ANKRD13A: variants seen among roughly 807,000 people sequenced by gnomAD.
ANKRD13A encodes ankyrin repeat domain 13A.
Under a neutral mutation model 81.3 loss-of-function variants are expected in ANKRD13A, and 48 were observed. The ratio of observed to expected loss-of-function variants is 0.59; its 90% CI spans 0.47 to 0.75. The LOEUF is 0.75. ANKRD13A is among the 30% of genes least tolerant of loss of function. The pLI is 0.00. For missense variants in ANKRD13A, 612 were observed against 734.0 expected (o/e 0.83, Z 1.92); for synonymous variants, 230 against 270.1 (o/e 0.85, Z 1.45).
chr12:110,035,644 T>A (rs1891998598), intron 13 of ANKRD13A, among the ~76,000 whole-genome samples: 1 of 151,976 alleles, frequency 6.6e-6, no homozygotes, highest in African/African-American at 2.4e-5. Context: ...GAGACGGGGT[T>A]TTACCATGTT....
At position 109,999,524 on chromosome 12, in the gene ANKRD13A, G is replaced by C. The variant is rs867527190; in HGVS notation, c.-165G>C. ...GGTCCCTGAGCCGGCCGGCGACCCC[G>C]GACCTCCCGCGCGCCCCGCACCCGA... On this transcript the variant is annotated 5_prime_UTR_variant, in exon 1 of 15. Coordinates refer to ENST00000261739, the MANE Select transcript of ANKRD13A (RefSeq NM_033121.2). This position sits in a 1 kb window ranked among gnomAD's most constrained non-coding sequence, Gnocchi z 4.3. 2.6e-6 allele frequency: 1 copy of C among 379,704 alleles called. No homozygotes were observed. The highest frequency in any genetic ancestry group is 2.1e-5 in the African/African-American group (1 of 46,922). 23.5% of individuals were successfully genotyped at this position (379,704 alleles called of 1,614,324 possible).
intron 12 of ANKRD13A, among the ~76,000 whole-genome samples, chr12:110,031,434 C>T (rs1891686683): frequency 6.6e-6 from 1 of 151,968 alleles, no homozygotes; most frequent in Admixed American, 6.6e-5. Flanking sequence ...TCACTGCAGC[C>T]TCTGCCTCCC....
chr12:110,019,031 C>A, intron 5 of ANKRD13A, 108 bp from the exon 6 acceptor site: 1 of 1,191,226 alleles, frequency 8.4e-7, no homozygotes, highest in Non-Finnish European at 1.2e-6. Flanking sequence ...TACCAGATAG[C>A]ACCTGGGAGG....
chr12:110,012,061 G>A lies in ANKRD13A; in HGVS notation c.153G>A (p.Leu51=). 1 of 1,613,380 alleles carries A rather than the reference G, an allele frequency of 6.2e-7. No individual in the cohort carries two copies. The highest frequency in any genetic ancestry group is 8.5e-7 in the Non-Finnish European group (1 of 1,179,370). Residue 51 remains leucine (L), a synonymous_variant, in exon 2 of 15, where the codon TTG becomes TTA. Transcript: ENST00000261739. ...GRTLLHLAVS[L]GHLESARVLL... ...CATTATTGCATCTTGCTGTTTCCTTGGGACATTTGGAATCTGCTCGAGTCT... is the reference window on the plus strand; with the variant it reads ...CATTATTGCATCTTGCTGTTTCCTTAGGACATTTGGAATCTGCTCGAGTCT...
intron 4 of ANKRD13A, among the ~76,000 whole-genome samples, chr12:110,017,656 G>A (rs571560261): frequency 3.9e-5 from 6 of 152,152 alleles, no homozygotes; most frequent in South Asian, 2.1e-4. Flanking sequence ...TACTTAGGCC[G>A]GATGCGGTGG....
rs550792743 is a variant in ANKRD13A at position 110,033,211 on chromosome 12, G to A, written c.1349-586G>A. On this transcript the variant is annotated intron_variant, in intron 12 of 14. Coordinates refer to ENST00000261739, the MANE Select transcript of ANKRD13A (RefSeq NM_033121.2). ...TGGGACTACAGGTGCCCGCCACCAC[G>A]CCCGGCTAATTTTTTTTTTTTTTTG... Among the ~76,000 whole-genome samples, 374 of 150,210 alleles carry A rather than the reference G, an allele frequency of 2.5e-3. 1 individual carries two copies. Among genetic ancestry groups the A allele is most frequent in the African/African-American group, 8.4e-3 (343 of 40,662 alleles).
chr12:110,013,175 C>G lies in ANKRD13A; in HGVS notation c.280C>G (p.Leu94Val), dbSNP rs753874717. 10 of 1,614,040 alleles carry G rather than the reference C, an allele frequency of 6.2e-6. No individual in the cohort carries two copies. In the East Asian group the frequency reaches 2.0e-4, roughly 32 times the overall value. The change falls in exon 3 of 15, where the codon CTC (leucine) becomes GTC (valine). Residue 94 changes from leucine to valine, a missense_variant. Coordinates refer to ENST00000261739, the MANE Select transcript of ANKRD13A (RefSeq NM_033121.2). ...CGATCCTGAGATGGTGTACACAGTTCTCCAACATCGAGACTACCACAACAC... is the reference window on the plus strand; with the variant it reads ...CGATCCTGAGATGGTGTACACAGTTGTCCAACATCGAGACTACCACAACAC... ...TGDPEMVYTV[L>V]QHRDYHNTSM...
At chr12:110,027,526 A>AT (rs1891410688) in intron 8 of ANKRD13A, 179 bp from the exon 9 acceptor site, 1 of 608,490 alleles carries the variant, frequency 1.6e-6, no homozygotes, top group African/African-American at 1.9e-5. Context: ...AGAGATCCTC[A>AT]TGAAAAGCAC....
intron 3 of ANKRD13A, among the ~76,000 whole-genome samples, chr12:110,014,419 AAAAAAT>A (rs944114422): frequency 7.2e-5 from 11 of 152,292 alleles, no homozygotes; most frequent in African/African-American, 2.2e-4. Context: ...CTCAAAAAAT[AAAAAAT>A]AAAAATAAAA....
intron 12 of ANKRD13A, among the ~76,000 whole-genome samples, chr12:110,033,357 C>T (rs953946545): frequency 1.3e-5 from 2 of 151,930 alleles, no homozygotes; most frequent in African/African-American, 2.4e-5. Context: ...CCACCGCGCC[C>T]GGCAGTTATT....
chr12:110,032,199 T>C (rs1355744646), intron 12 of ANKRD13A: 6 of 152,184 alleles, frequency 3.9e-5, no homozygotes, highest in Admixed American at 3.9e-4. Flanking sequence ...AGGTTTTTTA[T>C]AAATGTCCCT....
intron 13 of ANKRD13A, among the ~76,000 whole-genome samples, chr12:110,034,823 A>C (rs1891929725): frequency 6.6e-6 from 1 of 151,982 alleles, no homozygotes; most frequent in African/African-American, 2.4e-5. Context: ...TTTTTCTTCC[A>C]TTCTTCATTC....
At chr12:110,034,687 CT>C (rs1272823952) in intron 13 of ANKRD13A, among the ~76,000 whole-genome samples, 1 of 152,190 alleles carries the variant, frequency 6.6e-6, no homozygotes, top group African/African-American at 2.4e-5. Flanking sequence ...TCCTCCTCCC[CT>C]AACATCAACT....
intron 11 of ANKRD13A, among the ~76,000 whole-genome samples, 195 bp downstream of exon 11, chr12:110,029,830 C>T (rs1446034383): frequency 3.3e-5 from 5 of 152,066 alleles, no homozygotes; most frequent in African/African-American, 1.2e-4. Flanking sequence ...TTTTGTGTAT[C>T]AAAGTCAAGA....
At chr12:110,013,471 C>G (rs766732990) in intron 3 of ANKRD13A, among the ~76,000 whole-genome samples, 20 of 152,188 alleles carry the variant, frequency 1.3e-4, no homozygotes, top group Non-Finnish European at 1.9e-4. Flanking sequence ...CTTTTAAGTA[C>G]TATTTAAAAA....
At chr12:110,010,775 G>A (rs1890477959) in intron 1 of ANKRD13A, among the ~76,000 whole-genome samples, 1 of 152,206 alleles carries the variant, frequency 6.6e-6, no homozygotes. Context: ...GCAAAACAGG[G>A]AGGTTTGATA....
Position 110,037,532 on chromosome 12 carries a change from A to G in ANKRD13A, c.1751A>G (p.Gln584Arg), listed in dbSNP as rs144212333. The change falls in exon 15 of 15, where the codon CAG (glutamine) becomes CGG (arginine). Residue 584 changes from glutamine (Q) to arginine (R), a missense_variant. Transcript: ENST00000261739. ...GAGGCTGAGCTCCAGCAAGTCTTAC[A>G]GCTGTCACTCACTGACAAATAGACC... ...EEEAELQQVL[Q>R]LSLTDK The G allele has an allele frequency of 1.2e-3, 1,955 of 1,613,696 alleles. 3 individuals carry two copies. Among genetic ancestry groups the G allele is most frequent in the Non-Finnish European group, 1.5e-3 (1,749 of 1,180,018 alleles).
chr12:110,037,563 G>T lies in ANKRD13A; in HGVS notation c.*9G>T. 1 of 1,610,628 alleles carries T rather than the reference G, an allele frequency of 6.2e-7. No individual in the cohort carries two copies. Reference sequence around the variant, plus strand: ...CACTCACTGACAAATAGACCTTTCAGCCTGTGAGCCTCTGCACAAAGCAGA... The same window carrying T: ...CACTCACTGACAAATAGACCTTTCATCCTGTGAGCCTCTGCACAAAGCAGA... On this transcript the variant is annotated 3_prime_UTR_variant, in exon 15 of 15. Coordinates refer to ENST00000261739, the MANE Select transcript of ANKRD13A (RefSeq NM_033121.2).
chr12:110,029,579 C>T lies in ANKRD13A; in HGVS notation c.1178C>T (p.Ala393Val). Residue 393 changes from alanine (A) to valine (V), a missense_variant, in exon 11 of 15, where the codon GCA becomes GTA. By Grantham distance (64) the Ala-to-Val change is moderately conservative (BLOSUM62 0). Transcript: ENST00000261739. Reference protein sequence around the residue: ...DLMARTSAHFARLRDFIKLEF... With the variant: ...DLMARTSAHFVRLRDFIKLEF... ...ATGGCTCGAACGAGTGCTCATTTTGCAAGACTGAGAGATTTCATCAAATTG... is the reference window on the plus strand; with the variant it reads ...ATGGCTCGAACGAGTGCTCATTTTGTAAGACTGAGAGATTTCATCAAATTG... The T allele has an allele frequency of 6.2e-7, 1 of 1,613,996 alleles. No individual in the cohort carries two copies. Among genetic ancestry groups the T allele is most frequent in the Non-Finnish European group, 8.5e-7 (1 of 1,179,902 alleles).
Sources: allele counts gnomAD v4.1 joint callset (sites outside exome capture counted in the v4.1 genomes callset), GRCh38; gene constraint gnomAD v4.1.1; non-coding constraint Gnocchi (gnomAD v3.1); transcripts MANE v1.5; gene names NCBI Gene and HGNC (gene_info 2026-07-23, HGNC 2026-07-21).